Variants in ATP10B observed in about 807,000 individuals in gnomAD.
ATP10B encodes ATPase phospholipid transporting 10B (putative), also known as phospholipid-transporting ATPase VB.
ATP10B carries 122 observed loss-of-function variants against 141.2 expected under a neutral mutation model. The ratio of observed to expected loss-of-function variants is 0.86; its 90% confidence interval spans 0.75 to 1.00. The LOEUF (loss-of-function observed/expected upper bound fraction) is 1.00. Among genes scored for constraint, ATP10B ranks in the 50% least tolerant of loss-of-function variants. ATP10B has a pLI of 0.00. For missense variants in ATP10B, 1,876 were observed against 1,825.3 expected, an observed-to-expected ratio of 1.03 and a Z score of -0.51; for synonymous variants, 685 against 692.0, an observed-to-expected ratio of 0.99 and a Z score of 0.16.
At chr5:160,870,817 G>T in the ATP10B span, among the ~76,000 whole-genome samples, 1 of 151,672 alleles carries the variant, frequency 6.6e-6, no homozygotes, top group Admixed American at 6.6e-5. Context: ...CAAAGACAAA[G>T]AATTCTGAAA....
At chr5:160,784,860 T>C (rs1771016206) in intron 2 of ATP10B, among the ~76,000 whole-genome samples, 1 of 152,174 alleles carries the variant, frequency 6.6e-6, no homozygotes, top group African/African-American at 2.4e-5. Flanking sequence ...ACAATCACTA[T>C]TCTTTCTTCC....
In ATP10B at chr5:160,691,656, T is replaced by C. The variant is rs371575597; in HGVS notation, c.-204-2713A>G. The stretch of plus-strand genomic sequence containing the variant: ...AAATATGATCACTTAGGAAAAAAAG[T>C]TTTATTTCTAGTTTAAATGGTAATA... On this transcript the variant is annotated intron_variant, in intron 3 of 25. Transcript: ENST00000327245. 2.6e-5 allele frequency: 4 copies of C among 152,238 alleles called. No individual in the cohort carries two copies. The East Asian group carries it at 7.7e-4, about 29-fold the overall frequency. The allele number at this position is 152,238 out of a possible 1,614,324, so 9.4% of individuals were successfully genotyped here.
chr5:160,620,742 G>T lies in ATP10B; in HGVS notation c.2021C>A (p.Ser674Tyr). 6.2e-7 allele frequency: 1 copy of T among 1,614,200 alleles called. No individual in the cohort carries two copies. ...GCTCCTGTAGCCACCGTCATCAGTGGAGTCACCTCCACTGCACACAGATGC... is the reference window on the plus strand; with the variant it reads ...GCTCCTGTAGCCACCGTCATCAGTGTAGTCACCTCCACTGCACACAGATGC... ...DDASVCSGGD[S>Y]TDDGGYRSSM... Residue 674 changes from serine to tyrosine, a missense_variant, in exon 15 of 26, where the codon TCC becomes TAC. By Grantham distance (144) the Ser-to-Tyr change is moderately radical. Transcript: ENST00000327245.
chr5:160,667,222 CAAAAACAAAAAA>C (rs1400820986), intron 7 of ATP10B, among the ~76,000 whole-genome samples: 18 of 151,906 alleles, frequency 1.2e-4, no homozygotes, highest in Non-Finnish European at 2.2e-4. Context: ...TGTCTCAAAA[CAAAAACAAAAAA>C]CAAAACAAAA....
At chr5:160,619,221 C>T (rs1758186790) in intron 15 of ATP10B, among the ~76,000 whole-genome samples, 1 of 152,148 alleles carries the variant, frequency 6.6e-6, no homozygotes, top group African/African-American at 2.4e-5. Flanking sequence ...TGCCAGGAAC[C>T]TCAGCATCAA....
At chr5:160,648,445 G>T (rs1760453251) in intron 8 of ATP10B, among the ~76,000 whole-genome samples, 1 of 152,166 alleles carries the variant, frequency 6.6e-6, no homozygotes, top group Non-Finnish European at 1.5e-5. Context: ...CTGTAGAAAA[G>T]CATCGTATAA....
At chr5:160,874,668 T>A in the ATP10B span, among the ~76,000 whole-genome samples, 20 of 151,934 alleles carry the variant, frequency 1.3e-4, no homozygotes, top group African/African-American at 4.3e-4. Context: ...ACTAGAATAA[T>A]CAATACAGAG....
At chr5:160,863,751 T>C in the ATP10B span, among the ~76,000 whole-genome samples, 5 of 151,906 alleles carry the variant, frequency 3.3e-5, no homozygotes, top group Non-Finnish European at 1.5e-5. Flanking sequence ...CAATTAGAAA[T>C]GAAACTAGAG....
At chr5:160,845,725 A>T (rs1432836894) in intron 1 of ATP10B, among the ~76,000 whole-genome samples, 3 of 152,194 alleles carry the variant, frequency 2.0e-5, no homozygotes, top group Non-Finnish European at 4.4e-5. Context: ...TTCTACAATT[A>T]TGTGCTAACA....
intron 2 of ATP10B, among the ~76,000 whole-genome samples, chr5:160,727,216 T>C (rs187391270): frequency 8.9e-4 from 135 of 152,234 alleles, no homozygotes; most frequent in African/African-American, 3.2e-3. Flanking sequence ...TATTGGACAT[T>C]ATACACTGAA....
chr5:160,754,129 G>A (rs1407333903), intron 2 of ATP10B, among the ~76,000 whole-genome samples: 1 of 152,118 alleles, frequency 6.6e-6, no homozygotes. Flanking sequence ...ATAGCAGGCA[G>A]CCTCTCAGGT....
At chr5:160,776,235 C>A (rs1770300891) in intron 2 of ATP10B, among the ~76,000 whole-genome samples, 1 of 152,130 alleles carries the variant, frequency 6.6e-6, no homozygotes, top group Non-Finnish European at 1.5e-5. Context: ...ATAGGAGGCA[C>A]CCATAAATAT....
intron 1 of ATP10B, among the ~76,000 whole-genome samples, chr5:160,829,256 A>G (rs1241161088): frequency 6.6e-6 from 1 of 151,972 alleles, no homozygotes; most frequent in Non-Finnish European, 1.5e-5. Flanking sequence ...ATCAAAAATT[A>G]GATGGTTGTA....
At chr5:160,690,975 G>C (rs1252073396) in intron 3 of ATP10B, among the ~76,000 whole-genome samples, 2 of 152,194 alleles carry the variant, frequency 1.3e-5, no homozygotes, top group African/African-American at 2.4e-5. Context: ...ATTAATGATA[G>C]ACTGGATAAA....
At chr5:160,708,948 G>C (rs748603207) in intron 3 of ATP10B, among the ~76,000 whole-genome samples, 1 of 152,092 alleles carries the variant, frequency 6.6e-6, no homozygotes, top group Non-Finnish European at 1.5e-5. Flanking sequence ...GATACACATC[G>C]GAGAGCCAGG....
chr5:160,727,109 G>T (rs555658078), intron 2 of ATP10B, among the ~76,000 whole-genome samples: 9 of 152,288 alleles, frequency 5.9e-5, no homozygotes, highest in Non-Finnish European at 8.8e-5. Context: ...GCTGTGTCAC[G>T]GATGGGTCCT....
At chr5:160,868,625 T>C in the ATP10B span, among the ~76,000 whole-genome samples, 1 of 151,078 alleles carries the variant, frequency 6.6e-6, no homozygotes, top group African/African-American at 2.4e-5. Context: ...AATAAGCTCA[T>C]AGAGAAAAGT....
intron 1 of ATP10B, among the ~76,000 whole-genome samples, chr5:160,797,944 A>C (rs1340485630): frequency 9.1e-6 from 1 of 109,722 alleles, no homozygotes; most frequent in Non-Finnish European, 2.0e-5. Flanking sequence ...AGAAAAGAAA[A>C]AAAGAAAAAA....
the ATP10B span, among the ~76,000 whole-genome samples, chr5:160,908,672 T>C: frequency 2.0e-5 from 3 of 152,210 alleles, no homozygotes; most frequent in African/African-American, 7.2e-5. Context: ...CTGAAAGGCA[T>C]GGAGGCTGAA....
Sources: gnomAD v4.1 joint callset for allele counts (sites outside exome capture counted in the v4.1 genomes callset) on GRCh38, gnomAD v4.1.1 for gene constraint, MANE v1.5 for transcripts, NCBI Gene and HGNC (gene_info 2026-07-23, HGNC 2026-07-21) for gene names.